The following KCNIP1 variants were observed in gnomAD, a reference collection of about 807,000 sequenced individuals.
The protein encoded by KCNIP1 is A-type potassium channel modulatory protein KCNIP1.
In KCNIP1, 18 loss-of-function variants were observed where a neutral mutation model predicts 33.0. The observed-to-expected ratio is 0.55, with a 90% CI of 0.38 to 0.81. The LOEUF (loss-of-function observed/expected upper bound fraction) is 0.81, where lower values mean the gene tolerates loss of function less well. KCNIP1 is among the 30% of genes least tolerant of loss of function. The pLI, the probability that KCNIP1 is intolerant of heterozygous loss-of-function variation, is 0.00. For missense variants in KCNIP1, 238 were observed against 271.6 expected (o/e 0.88, Z 0.87); for synonymous variants, 93 against 98.3 (o/e 0.95, Z 0.32).
At chr5:170,650,893 G>A (rs1463443360) in intron 1 of KCNIP1, among the ~76,000 whole-genome samples, 1 of 152,200 alleles carries the variant, frequency 6.6e-6, no homozygotes, top group Non-Finnish European at 1.5e-5. Flanking sequence ...TATTTGCAAA[G>A]CATCTGATAA....
chr5:170,355,796 C>T (rs1235401352), intron 1 of KCNIP1, among the ~76,000 whole-genome samples: 1 of 152,226 alleles, frequency 6.6e-6, no homozygotes, highest in Non-Finnish European at 1.5e-5. Flanking sequence ...CCATGTGACA[C>T]AGAAGGGACT....
chr5:170,452,895 A>T (rs969007355), intron 1 of KCNIP1, among the ~76,000 whole-genome samples: 2 of 152,240 alleles, frequency 1.3e-5, no homozygotes, highest in African/African-American at 2.4e-5. Context: ...TCATCGCTGG[A>T]TCGTTCACAG....
chr5:170,594,935 C>T (rs577400445), intron 1 of KCNIP1, among the ~76,000 whole-genome samples: 29 of 152,324 alleles, frequency 1.9e-4, no homozygotes, highest in African/African-American at 6.7e-4. Context: ...TTGGGTTTCT[C>T]GTGAGGAGTG....
At chr5:170,681,375 G>T in intron 1 of KCNIP1, 1 of 366,304 alleles carries the variant, frequency 2.7e-6, no homozygotes. Context: ...GTGCTGAAAT[G>T]TGGTGCGCCT....
At position 170,686,218 on chromosome 5, in the gene KCNIP1, T is replaced by A. The variant is rs537388414; in HGVS notation, c.62-32540T>A. The stretch of plus-strand genomic sequence containing the variant: ...GAATGAAATGAACCTGCTTTGTAGG[T>A]ACATAATATTTCTCTCTCCAGAGAG... On this transcript the variant is annotated intron_variant, in intron 1 of 7. Transcript: ENST00000328939. 1.3e-3 allele frequency among the ~76,000 whole-genome samples: 191 copies of A among 152,288 alleles called. 1 individual carries two copies. Among genetic ancestry groups the A allele is most frequent in the Non-Finnish European group, 2.4e-3 (160 of 68,020 alleles).
At chr5:170,726,815 G>A (rs1441465213) in intron 5 of KCNIP1, among the ~76,000 whole-genome samples, 1 of 151,900 alleles carries the variant, frequency 6.6e-6, no homozygotes, top group Non-Finnish European at 1.5e-5. Flanking sequence ...GGAGGCTGAG[G>A]TGGGAGAATT....
chr5:170,681,041 C>T (rs1043539400), intron 1 of KCNIP1: 1 of 399,408 alleles, frequency 2.5e-6, no homozygotes, highest in Non-Finnish European at 4.4e-6. Context: ...CCGCCTAGCG[C>T]TTGCCGGTGC....
chr5:170,628,163 G>A (rs908882441), intron 1 of KCNIP1, among the ~76,000 whole-genome samples: 1 of 152,170 alleles, frequency 6.6e-6, no homozygotes, highest in Non-Finnish European at 1.5e-5. Flanking sequence ...TGGCCTGGGC[G>A]CTGAGACTAT....
intron 1 of KCNIP1, among the ~76,000 whole-genome samples, chr5:170,495,961 C>T (rs1294326297): frequency 1.3e-5 from 2 of 152,108 alleles, no homozygotes; most frequent in Non-Finnish European, 2.9e-5. Context: ...ATGCTGGGAG[C>T]GGAGATCCTG....
rs1181556909 is a variant in KCNIP1 at position 170,713,321 on chromosome 5, G to T, written c.62-5437G>T. Among the ~76,000 whole-genome samples the T allele has an allele frequency of 3.9e-5, 6 of 152,092 alleles. No homozygotes were observed. In the East Asian group the frequency reaches 1.2e-3, roughly 29 times the overall value. On this transcript the variant is annotated intron_variant, in intron 1 of 7. Transcript: ENST00000328939. Reference sequence around the variant, plus strand: ...TTCAAGTCCTTTGTGCAACAAAGTGGCATGTGTTTAAATAAACAGTGAGGA... The same window carrying T: ...TTCAAGTCCTTTGTGCAACAAAGTGTCATGTGTTTAAATAAACAGTGAGGA...
At chr5:170,360,961 C>T (rs1364075275) in intron 1 of KCNIP1, among the ~76,000 whole-genome samples, 2 of 152,246 alleles carry the variant, frequency 1.3e-5, no homozygotes, top group East Asian at 1.9e-4. Flanking sequence ...CCCTATCTCC[C>T]TTGTCTGAAT....
intron 1 of KCNIP1, among the ~76,000 whole-genome samples, chr5:170,570,544 C>G (rs535814932): frequency 3.3e-5 from 5 of 152,268 alleles, no homozygotes; most frequent in African/African-American, 1.2e-4. Flanking sequence ...CCCCTTGTTC[C>G]AAATCTTATC....
intron 1 of KCNIP1, among the ~76,000 whole-genome samples, chr5:170,609,437 G>A (rs1284047657): frequency 2.6e-5 from 4 of 152,106 alleles, no homozygotes; most frequent in Admixed American, 2.0e-4. Flanking sequence ...TGAGTGTGAC[G>A]CTCATGTTAG....
chr5:170,668,591 C>CAGTA (rs1761797716), intron 1 of KCNIP1, among the ~76,000 whole-genome samples: 1 of 152,138 alleles, frequency 6.6e-6, no homozygotes, highest in Non-Finnish European at 1.5e-5. Context: ...AGGGGAGGAG[C>CAGTA]CCAGTACAGA....
In KCNIP1 at chr5:170,618,920, G is replaced by T. The variant is rs79113376; in HGVS notation, c.62-99838G>T. Among the ~76,000 whole-genome samples the T allele has an allele frequency of 3.3e-5, 5 of 152,292 alleles. No homozygotes were observed. In the South Asian group the frequency reaches 6.2e-4, roughly 19 times the overall value. On this transcript the variant is annotated intron_variant, in intron 1 of 7. Transcript: ENST00000328939. ...ACATTCCTACTGAGCTCTATATGGA[G>T]AGCTGCAGTCATGGGGGACACTGTC...
At chr5:170,633,751 G>A (rs1285184857) in intron 1 of KCNIP1, among the ~76,000 whole-genome samples, 1 of 112,934 alleles carries the variant, frequency 8.9e-6, no homozygotes, top group Non-Finnish European at 1.8e-5. Context: ...GGGGCGGGGG[G>A]CGGGGCGGAG....
In KCNIP1 at chr5:170,544,573, C is replaced by A. The variant is rs79246198; in HGVS notation, c.61+39940C>A. On this transcript the variant is annotated intron_variant, in intron 1 of 7. Coordinates refer to ENST00000328939, the MANE Select transcript of KCNIP1 (RefSeq NM_014592.4). ...GACACTGTTGGGTTTATTTTTAGCA[C>A]CTTCCTATTTGTTTTTCTATTTGTA... Among the ~76,000 whole-genome samples the A allele has an allele frequency of 8.7e-3, 1,317 of 152,040 alleles. 44 individuals are homozygous for A. Among genetic ancestry groups the A allele is most frequent in the East Asian group, 0.055 (284 of 5,172 alleles).
chr5:170,582,069 C>A (rs1346601670), intron 1 of KCNIP1, among the ~76,000 whole-genome samples: 1 of 152,164 alleles, frequency 6.6e-6, no homozygotes, highest in Non-Finnish European at 1.5e-5. Flanking sequence ...ATGGAGAATC[C>A]ACCCCTGTGA....
At chr5:170,710,023 A>G (rs1302183350) in intron 1 of KCNIP1, among the ~76,000 whole-genome samples, 1 of 152,166 alleles carries the variant, frequency 6.6e-6, no homozygotes, top group Non-Finnish European at 1.5e-5. Context: ...GCGCACCACC[A>G]TGCCCAGCTA....
Sources: gnomAD v4.1 joint callset for allele counts (sites outside exome capture counted in the v4.1 genomes callset) on GRCh38, gnomAD v4.1.1 for gene constraint, MANE v1.5 for transcripts, NCBI Gene and HGNC (gene_info 2026-07-23, HGNC 2026-07-21) for gene names.